TTC3: variants seen among roughly 807,000 people sequenced by gnomAD.
The protein encoded by TTC3 is E3 ubiquitin-protein ligase TTC3.
TTC3 carries 180 observed loss-of-function variants against 249.6 expected under a neutral mutation model. The observed-to-expected ratio is 0.72, with a 90% CI of 0.64 to 0.82. The LOEUF is 0.82. Among genes scored for constraint, TTC3 ranks in the 40% least tolerant of loss-of-function variants. The pLI, the probability that TTC3 is intolerant of heterozygous loss-of-function variation, is 0.00. For synonymous variants in TTC3, 717 were observed against 805.0 expected (o/e 0.89, Z 1.85); for missense variants, 2,061 against 2,398.4 (o/e 0.86, Z 2.94).
intron 33 of TTC3, 129 bp from the exon 34 acceptor site, chr21:37,167,426 G>T: frequency 1.8e-6 from 1 of 557,776 alleles, no homozygotes; most frequent in Non-Finnish European, 3.1e-6. Context: ...GGAAAGCATG[G>T]AACATGATCT....
At chr21:37,141,669 G>A (rs2078477047) in intron 20 of TTC3, among the ~76,000 whole-genome samples, 2 of 152,152 alleles carry the variant, frequency 1.3e-5, no homozygotes, top group South Asian at 4.1e-4. Flanking sequence ...TCAGGAGGCT[G>A]AGGCAGAAAG....
intron 34 of TTC3, among the ~76,000 whole-genome samples, chr21:37,167,925 C>T (rs2148085023): frequency 6.6e-6 from 1 of 151,548 alleles, no homozygotes; most frequent in Admixed American, 6.6e-5. Flanking sequence ...TCACTGTCAT[C>T]CAGGCTGGCC....
At chr21:37,160,650 A>T (rs1344703213) in intron 29 of TTC3, 152 bp from the exon 30 acceptor site, 10 of 710,816 alleles carry the variant, frequency 1.4e-5, no homozygotes, top group Non-Finnish European at 2.3e-5. Context: ...AAATCGTAGC[A>T]CTTGGGCTGA....
chr21:37,098,046 C>T (rs577976551), intron 10 of TTC3: 21 of 655,440 alleles, frequency 3.2e-5, no homozygotes, highest in Middle Eastern at 4.9e-4. Flanking sequence ...TGGCTTAAGC[C>T]GTGGATAAAC....
At chr21:37,192,300 A>G (rs942195332) in intron 41 of TTC3, 87 bp downstream of exon 41, 20 of 837,710 alleles carry the variant, frequency 2.4e-5, no homozygotes, top group African/African-American at 3.5e-5. Flanking sequence ...GTTTCCTGGG[A>G]GTGAGGATGA....
Position 37,200,325 on chromosome 21 carries a change from G to C in TTC3, c.5943+1G>C, listed in dbSNP as rs1313530053. 12 of 1,613,948 alleles carry C rather than the reference G, an allele frequency of 7.4e-6. No individual in the cohort carries two copies. Among genetic ancestry groups the C allele is most frequent in the Non-Finnish European group, 1.0e-5 (12 of 1,179,916 alleles). On this transcript the variant is annotated splice_donor_variant, in intron 45 of 45. Transcript: ENST00000355666. LOFTEE classifies it high-confidence loss of function. ...ATGTGGGCACAAGTATCACAAAGGG[G>C]TAAGAGCTCTTTTTGGCCATCCTTA...
intron 17 of TTC3, among the ~76,000 whole-genome samples, chr21:37,134,603 C>T (rs2077762917): frequency 6.6e-6 from 1 of 152,090 alleles, no homozygotes; most frequent in Admixed American, 6.5e-5. Flanking sequence ...CTTTGAATGG[C>T]GCACACGTGT....
intron 22 of TTC3, 88 bp from the exon 23 acceptor site, chr21:37,148,458 A>G: frequency 1.8e-6 from 1 of 570,808 alleles, no homozygotes; most frequent in East Asian, 3.1e-5. Flanking sequence ...ATGTTAGTCA[A>G]GCTCTCTCTG....
chr21:37,095,137 A>ATATGTGTGTGTGTG (rs2073784891), intron 8 of TTC3, among the ~76,000 whole-genome samples: 2 of 147,596 alleles, frequency 1.4e-5, no homozygotes, highest in South Asian at 4.4e-4. Flanking sequence ...CTCTAAAAAT[A>ATATGTGTGTGTGTG]TGTGTGTGTG....
intron 36 of TTC3, among the ~76,000 whole-genome samples, chr21:37,185,350 A>G (rs1291401272): frequency 6.6e-6 from 1 of 152,230 alleles, no homozygotes; most frequent in Non-Finnish European, 1.5e-5. Context: ...TTCATTTTGA[A>G]TGAGAATCCA....
intron 15 of TTC3, 88 bp downstream of exon 15, chr21:37,126,231 A>G: frequency 8.8e-7 from 1 of 1,141,564 alleles, no homozygotes; most frequent in Non-Finnish European, 1.3e-6. Flanking sequence ...AGCCTTGCTT[A>G]TATCCACTCT....
intron 10 of TTC3, among the ~76,000 whole-genome samples, chr21:37,104,196 C>G (rs892768753): frequency 1.3e-5 from 2 of 152,168 alleles, no homozygotes; most frequent in African/African-American, 4.8e-5. Context: ...CCTTAAGCAG[C>G]ATCATGGATT....
intron 17 of TTC3, among the ~76,000 whole-genome samples, chr21:37,134,860 C>T (rs1193924832): frequency 1.3e-5 from 2 of 152,110 alleles, no homozygotes; most frequent in Admixed American, 1.3e-4. Flanking sequence ...ATTTTATCTA[C>T]TTATATTCAA....
chr21:37,150,028 C>A (rs760424272), intron 23 of TTC3, 50 bp from the exon 24 acceptor site: 7 of 1,314,296 alleles, frequency 5.3e-6, no homozygotes, highest in African/African-American at 4.5e-5. Context: ...ATAGATTTAT[C>A]CCCCCTAGAC....
At chr21:37,163,225 T>C (rs1373617467) in intron 31 of TTC3, among the ~76,000 whole-genome samples, 3 of 152,204 alleles carry the variant, frequency 2.0e-5, no homozygotes, top group South Asian at 2.1e-4. Flanking sequence ...TGAGGCACAG[T>C]GCAGAGCGAC....
exon 46 of TTC3, chr21:37,201,505 A>G (rs763662215): frequency 6.2e-6 from 10 of 1,614,040 alleles, no homozygotes; most frequent in Non-Finnish European, 8.5e-6. Context: ...ATCTCCTGAC[A>G]GAAGAGTCAC....
At chr21:37,150,759 T>A (rs2079389410) in intron 24 of TTC3, 61 bp from the exon 25 acceptor site, 2 of 1,083,494 alleles carry the variant, frequency 1.8e-6, no homozygotes, top group East Asian at 2.4e-5. Flanking sequence ...TTACTTGTGG[T>A]TTTGTGTTTT....
rs369389288 is a variant in TTC3 at position 37,159,775 on chromosome 21, G to A, written c.3039+30G>A. 1.4e-5 allele frequency: 21 copies of A among 1,455,768 alleles called. No individual in the cohort carries two copies. The African/African-American group carries it at 3.0e-4, about 21-fold the overall frequency. 90.2% of individuals were successfully genotyped at this position (1,455,768 alleles called of 1,614,324 possible). On this transcript the variant is annotated intron_variant, in intron 29 of 45. Transcript: ENST00000355666. ...GTTACTTGGATCACTTGAATCTTAC[G>A]TTCTAATCTGATGTTAAACCAAGGA...
At chr21:37,113,868 C>T (rs994502233) in intron 11 of TTC3, among the ~76,000 whole-genome samples, 37 of 152,228 alleles carry the variant, frequency 2.4e-4, no homozygotes, top group Admixed American at 2.3e-3. Flanking sequence ...GAACAGAGCC[C>T]TCAGAAATAG....
Sources: gnomAD v4.1 joint callset for allele counts (sites outside exome capture counted in the v4.1 genomes callset) on GRCh38, gnomAD v4.1.1 for gene constraint, MANE v1.5 for transcripts, NCBI Gene and HGNC (gene_info 2026-07-23, HGNC 2026-07-21) for gene names.